The following SCAPER variants were observed in gnomAD, a reference collection of about 807,000 sequenced individuals.
The protein encoded by SCAPER is S-phase cyclin A associated protein in the ER.
SCAPER carries 98 observed loss-of-function variants against 182.2 expected under a neutral mutation model. The observed-to-expected ratio is 0.54, with a 90% CI of 0.46 to 0.64. SCAPER has a LOEUF of 0.64. Among genes scored for constraint, SCAPER ranks in the 30% least tolerant of loss-of-function variants. The probability of loss-of-function intolerance (pLI) is 0.00; values close to 1 mark genes in which losing one functional copy is unlikely to be tolerated. For synonymous variants in SCAPER, 605 were observed against 564.6 expected, an observed-to-expected ratio of 1.07 and a Z score of -1.01; for missense variants, 1,432 against 1,690.0, an observed-to-expected ratio of 0.85 and a Z score of 2.68.
intron 20 of SCAPER, among the ~76,000 whole-genome samples, chr15:76,682,809 C>T (rs181813184): frequency 2.0e-5 from 3 of 151,496 alleles, no homozygotes; most frequent in Admixed American, 2.0e-4. Flanking sequence ...GCTCTGGCCC[C>T]CTAAAATTTT....
At chr15:76,441,171 T>A (rs1454397017) in intron 25 of SCAPER, among the ~76,000 whole-genome samples, 1 of 151,972 alleles carries the variant, frequency 6.6e-6, no homozygotes, top group Non-Finnish European at 1.5e-5. Context: ...TCCACCCGCC[T>A]TGGCCTCCCA....
At chr15:76,863,108 G>T (rs2072007670) in intron 2 of SCAPER, among the ~76,000 whole-genome samples, 1 of 152,046 alleles carries the variant, frequency 6.6e-6, no homozygotes, top group South Asian at 2.1e-4. Flanking sequence ...GCTTGCTCTA[G>T]CCCTGCCTGG....
At chr15:76,372,274 A>G (rs1231621495) in intron 29 of SCAPER, among the ~76,000 whole-genome samples, 1 of 152,092 alleles carries the variant, frequency 6.6e-6, no homozygotes, top group Non-Finnish European at 1.5e-5. Flanking sequence ...TTCTTCTCCA[A>G]CTGACAAGTG....
intron 19 of SCAPER, 24 bp from the exon 20 acceptor site, chr15:76,701,889 T>C (rs2147264600): frequency 4.6e-6 from 7 of 1,533,304 alleles, no homozygotes; most frequent in Non-Finnish European, 6.3e-6. Flanking sequence ...ATCAAAGCAA[T>C]GTAATCAATA....
chr15:76,399,189 G>A (rs1411100140), intron 27 of SCAPER, among the ~76,000 whole-genome samples: 1 of 152,152 alleles, frequency 6.6e-6, no homozygotes, highest in Non-Finnish European at 1.5e-5. Flanking sequence ...CCAGGCTGGA[G>A]TGCAGTGGTG....
intron 17 of SCAPER, among the ~76,000 whole-genome samples, chr15:76,710,338 C>A (rs905359603): frequency 2.0e-5 from 3 of 152,098 alleles, no homozygotes; most frequent in Non-Finnish European, 2.9e-5. Context: ...AACTTATAAT[C>A]GTTCAACTTA....
chr15:76,726,003 A>C (rs980178855), intron 17 of SCAPER, among the ~76,000 whole-genome samples: 2 of 150,222 alleles, frequency 1.3e-5, no homozygotes, highest in African/African-American at 4.9e-5. Context: ...GAGAAATTGA[A>C]CTATGTCCAA....
chr15:76,793,068 C>T (rs2065101261), intron 8 of SCAPER, among the ~76,000 whole-genome samples: 1 of 152,112 alleles, frequency 6.6e-6, no homozygotes, highest in Non-Finnish European at 1.5e-5. Context: ...TTCCTTAAGT[C>T]CAATTTCTAA....
chr15:76,630,435 T>C (rs1411666743), intron 21 of SCAPER, among the ~76,000 whole-genome samples: 1 of 152,210 alleles, frequency 6.6e-6, no homozygotes, highest in Admixed American at 6.5e-5. Context: ...TGTGGGTATT[T>C]AGCGCTATAA....
chr15:76,747,608 T>C (rs561142984), intron 15 of SCAPER, among the ~76,000 whole-genome samples: 4 of 152,128 alleles, frequency 2.6e-5, no homozygotes, highest in Non-Finnish European at 2.9e-5. Context: ...CCCTCATGAA[T>C]AGATTAATGC....
intron 22 of SCAPER, among the ~76,000 whole-genome samples, chr15:76,587,828 T>C (rs1174487187): frequency 2.0e-5 from 3 of 152,190 alleles, no homozygotes; most frequent in African/African-American, 7.2e-5. Context: ...GGTTTCCTTG[T>C]TGACTTTCTG....
chr15:76,761,509 C>T (rs942655380), intron 14 of SCAPER, among the ~76,000 whole-genome samples: 3 of 152,134 alleles, frequency 2.0e-5, no homozygotes, highest in East Asian at 1.9e-4. Flanking sequence ...TTTTCATTTG[C>T]TTCAAGGCAT....
At chr15:76,676,974 A>C (rs954908610) in intron 20 of SCAPER, among the ~76,000 whole-genome samples, 15 of 151,958 alleles carry the variant, frequency 9.9e-5, no homozygotes, top group African/African-American at 3.6e-4. Flanking sequence ...GTCAATTTGC[A>C]TAAGGTTATA....
intron 14 of SCAPER, among the ~76,000 whole-genome samples, chr15:76,759,958 G>A (rs947089894): frequency 1.3e-5 from 2 of 152,164 alleles, no homozygotes; most frequent in Admixed American, 1.3e-4. Context: ...TGGAATCAGA[G>A]TGATGCTGGC....
At chr15:76,609,082 G>A (rs920516499) in intron 22 of SCAPER, among the ~76,000 whole-genome samples, 1 of 152,198 alleles carries the variant, frequency 6.6e-6, no homozygotes, top group Non-Finnish European at 1.5e-5. Flanking sequence ...TACCTCAGTT[G>A]GAAATGCAGA....
chr15:76,712,536 C>T (rs1388954073), intron 17 of SCAPER, among the ~76,000 whole-genome samples: 1 of 150,526 alleles, frequency 6.6e-6, no homozygotes, highest in East Asian at 1.9e-4. Flanking sequence ...GGCAGTATGG[C>T]CATTTTCACG....
chr15:76,528,881 G>A (rs2043407740), intron 23 of SCAPER, among the ~76,000 whole-genome samples: 1 of 152,174 alleles, frequency 6.6e-6, no homozygotes, highest in Non-Finnish European at 1.5e-5. Flanking sequence ...CATTATGAAT[G>A]ACTGAAGCAC....
chr15:76,616,380 T>C (rs892904718), intron 22 of SCAPER, among the ~76,000 whole-genome samples: 1 of 152,020 alleles, frequency 6.6e-6, no homozygotes, highest in African/African-American at 2.4e-5. Flanking sequence ...AAAAGACAAA[T>C]ACTGTATATT....
At chr15:76,633,040 G>A (rs572783693) in intron 21 of SCAPER, among the ~76,000 whole-genome samples, 1 of 152,260 alleles carries the variant, frequency 6.6e-6, no homozygotes, top group South Asian at 2.1e-4. Context: ...CTCCCAAAGT[G>A]CTGGCTGGGA....
Sources: gnomAD v4.1 joint callset for allele counts (sites outside exome capture counted in the v4.1 genomes callset) on GRCh38, gnomAD v4.1.1 for gene constraint, MANE v1.5 for transcripts, NCBI Gene and HGNC (gene_info 2026-07-23, HGNC 2026-07-21) for gene names.